The following GDPD1 variants were observed in gnomAD, a reference collection of about 807,000 sequenced individuals.
GDPD1 encodes the protein lysophospholipase D GDPD1.
GDPD1 carries 28 observed loss-of-function variants against 45.1 expected under a neutral mutation model. The ratio of observed to expected loss-of-function variants is 0.62; its 90% CI spans 0.46 to 0.85. GDPD1 has a LOEUF of 0.85. GDPD1 is among the 40% of genes least tolerant of loss of function. GDPD1 has a pLI of 0.00. For missense variants in GDPD1, 256 were observed against 364.8 expected, an observed-to-expected ratio of 0.70 and a Z score of 2.43; for synonymous variants, 139 against 131.4, an observed-to-expected ratio of 1.06 and a Z score of -0.40.
intron 2 of GDPD1, among the ~76,000 whole-genome samples, chr17:59,242,456 A>G (rs1009826377): frequency 1.1e-4 from 17 of 152,208 alleles, no homozygotes; most frequent in African/African-American, 3.9e-4. Context: ...TATGTGAAGT[A>G]AAAAATTGGC....
chr17:59,227,456 T>A (rs188160276), intron 1 of GDPD1, among the ~76,000 whole-genome samples: 15 of 152,116 alleles, frequency 9.9e-5, no homozygotes, highest in Non-Finnish European at 1.5e-4. Context: ...GTAGCATGCA[T>A]AAAGTTAGTT....
At chr17:59,265,392 G>T (rs1362288470) in intron 6 of GDPD1, among the ~76,000 whole-genome samples, 3 of 151,598 alleles carry the variant, frequency 2.0e-5, no homozygotes, top group Non-Finnish European at 4.4e-5. Context: ...TAAAAAATTA[G>T]CTCGGCATGG....
At chr17:59,227,398 G>A (rs1271074498) in intron 1 of GDPD1, among the ~76,000 whole-genome samples, 2 of 151,532 alleles carry the variant, frequency 1.3e-5, no homozygotes, top group Non-Finnish European at 1.5e-5. Flanking sequence ...CAGCCTGAGC[G>A]ACGGAGCAAG....
chr17:59,229,502 G>A (rs1475932508), intron 1 of GDPD1, among the ~76,000 whole-genome samples: 1 of 151,532 alleles, frequency 6.6e-6, no homozygotes, highest in Admixed American at 6.6e-5. Context: ...TGGAATTACA[G>A]GCGTGAGCCA....
In GDPD1 at chr17:59,220,543, T is replaced by A. The variant is rs2046994490; in HGVS notation, c.-67T>A. ...CCTCGAGCAGCCGCCGCCGCCGCCGTCGTTGCTACTGCCGCAGCGGAGTTC... is the reference window on the plus strand; with the variant it reads ...CCTCGAGCAGCCGCCGCCGCCGCCGACGTTGCTACTGCCGCAGCGGAGTTC... On this transcript the variant is annotated 5_prime_UTR_variant, in exon 1 of 10. Transcript: ENST00000284116. The A allele has an allele frequency of 6.5e-7, 1 of 1,547,162 alleles. No individual in the cohort carries two copies. The highest frequency in any genetic ancestry group is 8.8e-7 in the Non-Finnish European group (1 of 1,139,156).
intron 2 of GDPD1, among the ~76,000 whole-genome samples, chr17:59,238,395 A>G (rs1328091909): frequency 6.6e-6 from 1 of 150,432 alleles, no homozygotes; most frequent in Admixed American, 6.7e-5. Context: ...GGTTATGAAT[A>G]TGGCTCTTCT....
chr17:59,229,447 A>G (rs1274858232), intron 1 of GDPD1, among the ~76,000 whole-genome samples: 1 of 151,568 alleles, frequency 6.6e-6, no homozygotes, highest in Non-Finnish European at 1.5e-5. Context: ...CTGGTCTCGA[A>G]CTCCTGACCT....
intron 3 of GDPD1, among the ~76,000 whole-genome samples, chr17:59,247,951 T>G (rs1340507919): frequency 6.6e-6 from 1 of 152,128 alleles, no homozygotes; most frequent in East Asian, 1.9e-4. Flanking sequence ...GCTTTATGCA[T>G]AAAGATAAAG....
chr17:59,273,605 CTATTT>C (rs771808323), intron 9 of GDPD1, 41 bp from the exon 10 acceptor site: 2 of 1,130,532 alleles, frequency 1.8e-6, no homozygotes, highest in Non-Finnish European at 2.6e-6. Context: ...AAATAATTTT[CTATTT>C]TAACATTTCT....
At chr17:59,263,095 G>C (rs1347455313) in intron 6 of GDPD1, among the ~76,000 whole-genome samples, 1 of 152,140 alleles carries the variant, frequency 6.6e-6, no homozygotes, top group Non-Finnish European at 1.5e-5. Context: ...TCCAGGTCTT[G>C]ATACTATAGT....
chr17:59,243,759 T>G (rs1030363654), intron 2 of GDPD1, among the ~76,000 whole-genome samples: 1 of 152,196 alleles, frequency 6.6e-6, no homozygotes, highest in African/African-American at 2.4e-5. Context: ...TACTATGGAT[T>G]TGGATCATGA....
chr17:59,253,916 A>G (rs1012200827), intron 4 of GDPD1, among the ~76,000 whole-genome samples: 3 of 152,078 alleles, frequency 2.0e-5, no homozygotes, highest in Non-Finnish European at 2.9e-5. Context: ...AGGTTTCCAA[A>G]GGAAGGAAGA....
At chr17:59,230,857 G>A (rs975637041) in intron 1 of GDPD1, among the ~76,000 whole-genome samples, 1 of 152,170 alleles carries the variant, frequency 6.6e-6, no homozygotes, top group African/African-American at 2.4e-5. Context: ...CACTCTTTTG[G>A]CATTATTGCC....
rs925965226 is a variant in GDPD1, at chr17:59,253,056, CT to C, written c.368-4057del. On this transcript the variant is annotated intron_variant, in intron 4 of 9. Transcript: ENST00000284116. ...TCTATCCTGATTATTTGAAGGTAAC[CT>C]TTTTTTTTCATGGAAAACACAAAAT... Among the ~76,000 whole-genome samples, 5 of 151,228 alleles carry C rather than the reference CT, an allele frequency of 3.3e-5. No homozygotes were observed. The East Asian group carries it at 5.8e-4, about 18-fold the overall frequency.
intron 1 of GDPD1, among the ~76,000 whole-genome samples, chr17:59,221,251 C>A (rs2047002100): frequency 1.3e-5 from 2 of 151,808 alleles, no homozygotes; most frequent in Non-Finnish European, 2.9e-5. Context: ...CCCTTGTCTG[C>A]GGTGCTGGGG....
chr17:59,262,691 G>A (rs1158307811), intron 6 of GDPD1, among the ~76,000 whole-genome samples: 2 of 149,672 alleles, frequency 1.3e-5, no homozygotes, highest in African/African-American at 4.9e-5. Flanking sequence ...GCAATGGTGC[G>A]ATCTTGGCTC....
chr17:59,234,402 G>A (rs1349622654), intron 1 of GDPD1, 90 bp from the exon 2 acceptor site: 64 of 734,918 alleles, frequency 8.7e-5, no homozygotes, highest in Middle Eastern at 3.9e-4. Context: ...AAAAAAAAAA[G>A]GTCAAGATTC....
intron 1 of GDPD1, among the ~76,000 whole-genome samples, chr17:59,230,678 G>A (rs890302653): frequency 3.9e-5 from 6 of 151,954 alleles, no homozygotes; most frequent in Admixed American, 3.3e-4. Flanking sequence ...CACCATGCCC[G>A]GCCCAGTTGC....
In GDPD1 at chr17:59,234,544, TAA is replaced by T; in HGVS notation, c.185+15_185+16del. On this transcript the variant is annotated intron_variant, in intron 2 of 9. Coordinates refer to ENST00000284116, the MANE Select transcript of GDPD1 (RefSeq NM_182569.4). ...TGGCAGCCTTTCAGCAGTAAGTATG[TAA>T]AAAAGGTAAAAGGTACTCTTTTCTT... 1 of 1,579,916 alleles carries T rather than the reference TAA, an allele frequency of 6.3e-7. No homozygotes were observed. Among genetic ancestry groups the T allele is most frequent in the Non-Finnish European group, 8.7e-7 (1 of 1,151,086 alleles).
Sources: gnomAD v4.1 joint callset for allele counts (sites outside exome capture counted in the v4.1 genomes callset) on GRCh38, gnomAD v4.1.1 for gene constraint, MANE v1.5 for transcripts, NCBI Gene and HGNC (gene_info 2026-07-23, HGNC 2026-07-21) for gene names.